Variants in LMF2 observed in about 807,000 individuals in gnomAD.
LMF2 encodes the protein transmembrane protein 112B.
LMF2 carries 113 observed loss-of-function variants against 81.5 expected under a neutral mutation model. That is an observed-to-expected ratio of 1.39 (90% confidence interval 1.19 to 1.62). LMF2 has a LOEUF of 1.62. Among genes scored for constraint, LMF2 ranks in the 40% most tolerant of loss-of-function variants. LMF2 has a pLI of 0.00. For missense variants in LMF2, 1,235 were observed against 929.1 expected, an observed-to-expected ratio of 1.33 and a Z score of -4.28; for synonymous variants, 645 against 424.5, an observed-to-expected ratio of 1.52 and a Z score of -6.39.
intron 13 of LMF2, 32 bp downstream of exon 13, chr22:50,503,776 C>T (rs2068470067): frequency 6.3e-7 from 1 of 1,596,856 alleles, no homozygotes; most frequent in Non-Finnish European, 8.5e-7. Flanking sequence ...TCACCCCTGC[C>T]ACCTCCCCCA....
chr22:50,506,336 A>G lies in LMF2; in HGVS notation c.544T>C (p.Ser182Pro), dbSNP rs980848082. ...CGGCTGGTCAGCTTGACCACGCCTG[A>G]GGCGAACATGAGGCGGAACAGCAGC... The part of the protein sequence containing the change: ...RWLLFRLMFA[S>P]GVVKLTSRCP... The change falls in exon 4 of 14, where the codon TCA (serine) becomes CCA (proline). Residue 182 changes from serine to proline, a missense_variant. Ser to Pro is a moderately conservative substitution (Grantham distance 74). Coordinates refer to ENST00000474879, the MANE Select transcript of LMF2 (RefSeq NM_033200.3). The G allele has an allele frequency of 6.5e-7, 1 of 1,549,562 alleles. No individual in the cohort carries two copies. Among genetic ancestry groups the G allele is most frequent in the African/African-American group, 1.4e-5 (1 of 73,038 alleles).
In LMF2 at chr22:50,507,624, C is replaced by T; in HGVS notation, c.52G>A (p.Val18Ile). 2 of 1,558,602 alleles carry T rather than the reference C, an allele frequency of 1.3e-6. No homozygotes were observed. The highest frequency in any genetic ancestry group is 1.2e-5 in the South Asian group (1 of 84,728). The change falls in exon 1 of 14, where the codon GTC becomes ATC. Residue 18 changes from valine to isoleucine, a missense_variant. Val to Ile is a conservative substitution (Grantham distance 29, BLOSUM62 3). Transcript: ENST00000474879. ...RQLFLQGVAAVFMFAFASLYT... is the reference protein window; with the variant it reads ...RQLFLQGVAAIFMFAFASLYT... ...AGGGAAGCGAAAGCAAACATGAAGA[C>T]GGCCGCCACGCCCTGGAGGAAGAGC...
At position 50,507,684 on chromosome 22, in the gene LMF2, C is replaced by G. The variant is rs1003931996; in HGVS notation, c.-9G>C. 10 of 1,547,788 alleles carry G rather than the reference C, an allele frequency of 6.5e-6. No individual in the cohort carries two copies. The highest frequency in any genetic ancestry group is 7.9e-6 in the Non-Finnish European group (9 of 1,145,920). On this transcript the variant is annotated 5_prime_UTR_variant, in exon 1 of 14. Transcript: ENST00000474879. ...AGCCGGGAGCCCGCCATGTCCGCTA[C>G]GCGGCCCGCTAGAGCAGGGCCCGCC... is the stretch of plus-strand genomic sequence containing the variant.
rs202145877 is a variant in LMF2, at chr22:50,505,829, G to A, written c.775-14C>T. 1.3e-4 allele frequency: 213 copies of A among 1,612,010 alleles called. No individual in the cohort carries two copies. Among genetic ancestry groups the A allele is most frequent in the Non-Finnish European group, 1.6e-4 (192 of 1,179,540 alleles). ...CTGCAGCAGCACCTGGGGGCGGCCC[G>A]CTCTCAGTGCTCCCGGAGACTGACG... is the stretch of plus-strand genomic sequence containing the variant. On this transcript the variant is annotated splice_polypyrimidine_tract_variant and intron_variant, in intron 5 of 13. Coordinates refer to ENST00000474879, the MANE Select transcript of LMF2 (RefSeq NM_033200.3).
Position 50,505,368 on chromosome 22 carries a change from C to T in LMF2, c.1052-34G>A, listed in dbSNP as rs761385892. 29 of 1,613,218 alleles carry T rather than the reference C, an allele frequency of 1.8e-5. No homozygotes were observed. In the South Asian group the frequency reaches 2.6e-4, roughly 15 times the overall value. ...GGAGGGGGGTGTGAGGACTGGTCCGCCCCTGCCCTCTGGCCCCCCCAGGTC... is the reference window on the plus strand; with the variant it reads ...GGAGGGGGGTGTGAGGACTGGTCCGTCCCTGCCCTCTGGCCCCCCCAGGTC... On this transcript the variant is annotated intron_variant, in intron 7 of 13. Transcript: ENST00000474879.
chr22:50,503,981 C>A (rs1449326730), intron 12 of LMF2, 77 bp from the exon 13 acceptor site: 156 of 1,336,334 alleles, frequency 1.2e-4, no homozygotes, highest in Middle Eastern at 2.0e-4. Context: ...AGCCTTACCC[C>A]TGCTCCTCAG....
At position 50,505,161 on chromosome 22, in the gene LMF2, C is replaced by A. The variant is rs1258479566; in HGVS notation, c.1158-8G>T. 1.2e-6 allele frequency: 2 copies of A among 1,612,882 alleles called. No individual in the cohort carries two copies. The highest frequency in any genetic ancestry group is 1.7e-5 in the Admixed American group (1 of 60,024). ...CCCCGCACCTGGGTCCACCTGTGGGCAAGGACCCAAGGTCGTCAGGCCGGC... is the reference window on the plus strand; with the variant it reads ...CCCCGCACCTGGGTCCACCTGTGGGAAAGGACCCAAGGTCGTCAGGCCGGC... On this transcript the variant is annotated splice_region_variant and splice_polypyrimidine_tract_variant and intron_variant, in intron 8 of 13. Coordinates refer to ENST00000474879, the MANE Select transcript of LMF2 (RefSeq NM_033200.3).
rs1255401098 is a variant in LMF2 at position 50,504,793 on chromosome 22, A to G, written c.1437+9T>C. 1.2e-6 allele frequency: 2 copies of G among 1,604,464 alleles called. No individual in the cohort carries two copies. Among genetic ancestry groups the G allele is most frequent in the Non-Finnish European group, 8.5e-7 (1 of 1,174,714 alleles). ...GCCCCACCACCCTGCCCGCCCTGGG[A>G]GGGCTCACCGTCCAGTGGTGGCCGT... On this transcript the variant is annotated intron_variant, in intron 10 of 13. Coordinates refer to ENST00000474879, the MANE Select transcript of LMF2 (RefSeq NM_033200.3).
chr22:50,507,024 G>T lies in LMF2; in HGVS notation c.106C>A (p.Pro36Thr). 6.3e-7 allele frequency: 1 copy of T among 1,592,862 alleles called. No homozygotes were observed. Among genetic ancestry groups the T allele is most frequent in the South Asian group, 1.1e-5 (1 of 90,368 alleles). ...LYTQIPGLYG[P>T]EGILPARRTL... ...CTCCTTGCAGGTAGGATGCCCTCGGGGCCATACAGGCCTGTGGGAGGGCAT... is the reference window on the plus strand; with the variant it reads ...CTCCTTGCAGGTAGGATGCCCTCGGTGCCATACAGGCCTGTGGGAGGGCAT... The change falls in exon 2 of 14, where the codon CCC (proline) becomes ACC (threonine). Residue 36 changes from proline to threonine, a missense_variant. By Grantham distance (38) the Pro-to-Thr change is conservative. Transcript: ENST00000474879.
chr22:50,507,702 G>T lies in LMF2; in HGVS notation c.-27C>A, dbSNP rs779910173. 3.3e-6 allele frequency: 5 copies of T among 1,515,396 alleles called. No homozygotes were observed. In the Admixed American group the frequency reaches 1.1e-4, roughly 32 times the overall value. 93.9% of individuals were successfully genotyped at this position (1,515,396 alleles called of 1,614,324 possible). A position where few individuals can be genotyped will look rare whatever the true frequency, so the allele number is the denominator to read the frequency against. On this transcript the variant is annotated 5_prime_UTR_variant, in exon 1 of 14. Coordinates refer to ENST00000474879, the MANE Select transcript of LMF2 (RefSeq NM_033200.3). The stretch of plus-strand genomic sequence containing the variant: ...TCCGCTACGCGGCCCGCTAGAGCAG[G>T]GCCCGCCCTCCGCGTCCGCCCGCCC...
intron 5 of LMF2, 50 bp from the exon 6 acceptor site, chr22:50,505,865 T>C (rs767572974): frequency 1.9e-6 from 3 of 1,605,400 alleles, no homozygotes; most frequent in African/African-American, 1.3e-5. Context: ...CCTGGCCCCG[T>C]GGCAGGCACC....
At position 50,503,059 on chromosome 22, in the gene LMF2, C is replaced by T; in HGVS notation, c.*332G>A. On this transcript the variant is annotated 3_prime_UTR_variant, in exon 14 of 14. Transcript: ENST00000474879. The stretch of plus-strand genomic sequence containing the variant: ...CTTCCCCTCTTCCCCTGGGAGTCAG[C>T]CTCTTCCCCTCTGGCACGGGGCCTA... 3.2e-6 allele frequency: 1 copy of T among 311,298 alleles called. No individual in the cohort carries two copies. Among genetic ancestry groups the T allele is most frequent in the Non-Finnish European group, 5.9e-6 (1 of 168,750 alleles). The allele number at this position is 311,298 out of a possible 1,614,324, so 19.3% of individuals were successfully genotyped here. A position where few individuals can be genotyped will look rare whatever the true frequency, so the allele number is the denominator to read the frequency against.
In LMF2 at chr22:50,503,547, T is replaced by TA. The variant is rs753597084; in HGVS notation, c.1967dup (p.Ala657SerfsTer43). On this transcript the variant is annotated frameshift_variant, in exon 14 of 14. Coordinates refer to ENST00000474879, the MANE Select transcript of LMF2 (RefSeq NM_033200.3). LOFTEE classifies it low-confidence loss of function (END_TRUNC). ...GGGAGGACCGGAGAGAACAGGGTGC[T>TA]AGCAGGGCTTGCACAAATCTGACAG... 35 of 1,557,642 alleles carry TA rather than the reference T, an allele frequency of 2.2e-5. No homozygotes were observed. Among genetic ancestry groups the TA allele is most frequent in the East Asian group, 4.5e-5 (2 of 44,066 alleles).
In LMF2 at chr22:50,506,864, G is replaced by A. The variant is rs1603439655; in HGVS notation, c.266C>T (p.Ala89Val). 2 of 1,591,524 alleles carry A rather than the reference G, an allele frequency of 1.3e-6. No homozygotes were observed. The highest frequency in any genetic ancestry group is 1.7e-6 in the Non-Finnish European group (2 of 1,169,366). Reference sequence around the variant, plus strand: ...TGGGCTCAGCAGCAGGGCTCCCAGGGCCACTAGTGCACCCAGCAGGCTCAG... The same window carrying A: ...TGGGCTCAGCAGCAGGGCTCCCAGGACCACTAGTGCACCCAGCAGGCTCAG... ...ELLSLLGALV[A>V]LGALLLSPLR... The change falls in exon 2 of 14, where the codon GCC (alanine) becomes GTC (valine). Residue 89 changes from alanine to valine, a missense_variant. Ala to Val is a moderately conservative substitution (Grantham distance 64, BLOSUM62 0). Coordinates refer to ENST00000474879, the MANE Select transcript of LMF2 (RefSeq NM_033200.3).
At position 50,506,067 on chromosome 22, in the gene LMF2, G is replaced by C. The variant is rs749734834; in HGVS notation, c.742C>G (p.Arg248Gly). The change falls in exon 5 of 14, where the codon CGA becomes GGA. Residue 248 changes from arginine to glycine, a missense_variant. Arg to Gly is a moderately radical substitution (Grantham distance 125, BLOSUM62 -2). Coordinates refer to ENST00000474879, the MANE Select transcript of LMF2 (RefSeq NM_033200.3). ...TAGAAAGCAGCCAAGCGCAGGCGTC[G>C]AATGGGGGCGAAGAACAGGGGCGGC... ...AVPPLFFAPI[R>G]RLRLAAFYSQ... The C allele has an allele frequency of 1.1e-5, 18 of 1,591,166 alleles. No individual in the cohort carries two copies. The highest frequency in any genetic ancestry group is 1.4e-5 in the Non-Finnish European group (16 of 1,169,268).
rs764818655 is a variant in LMF2 at position 50,503,647 on chromosome 22, A to AGGGCCT, written c.1862_1867dup (p.Gln621_Ala622dup). The AGGGCCT allele has an allele frequency of 2.1e-5, 28 of 1,327,508 alleles. No individual in the cohort carries two copies. The highest frequency in any genetic ancestry group is 2.2e-4 in the Middle Eastern group (1 of 4,496). The allele number at this position is 1,327,508 out of a possible 1,614,324, so 82.2% of individuals were successfully genotyped here. A position where few individuals can be genotyped will look rare whatever the true frequency, so the allele number is the denominator to read the frequency against. On this transcript the variant is annotated inframe_insertion, in exon 14 of 14. Coordinates refer to ENST00000474879, the MANE Select transcript of LMF2 (RefSeq NM_033200.3). Reference sequence around the variant, plus strand: ...AGACAGCTGAGAGCGAGTCCAGTGGAGGGCCTGGGCCAGGGTGCTGTTGGC... The same window carrying AGGGCCT: ...AGACAGCTGAGAGCGAGTCCAGTGGAGGGCCTGGGCCTGGGCCAGGGTGCTGTTGGC...
At chr22:50,506,004 CCTCT>C (rs750945438) in intron 5 of LMF2, 27 bp downstream of exon 5, 67 of 1,568,788 alleles carry the variant, frequency 4.3e-5, no homozygotes, top group African/African-American at 2.0e-4. Flanking sequence ...GCCCTGTCTG[CCTCT>C]CTCTGACAGC....
chr22:50,504,754 G>A, intron 10 of LMF2, 27 bp from the exon 11 acceptor site: 10 of 1,607,464 alleles, frequency 6.2e-6, no homozygotes, highest in Non-Finnish European at 8.5e-6. Flanking sequence ...GGTCAGCTGG[G>A]CCCGCTGACC....
chr22:50,503,715 AG>A lies in LMF2; in HGVS notation c.1816-17del. On this transcript the variant is annotated splice_polypyrimidine_tract_variant and intron_variant, in intron 13 of 13. Transcript: ENST00000474879. ...GGCTTTTCTCCTGTGGGAGGGAGGG[AG>A]GGAGGGAGGTTGGGGAAGTGCTTAC... The A allele has an allele frequency of 1.7e-6, 1 of 579,916 alleles. No individual in the cohort carries two copies. The highest frequency in any genetic ancestry group is 3.0e-6 in the Non-Finnish European group (1 of 329,510). The allele number at this position is 579,916 out of a possible 1,614,324, so 35.9% of individuals were successfully genotyped here.
Sources: gnomAD v4.1 joint callset for allele counts on GRCh38, gnomAD v4.1.1 for gene constraint, MANE v1.5 for transcripts, NCBI Gene and HGNC (gene_info 2026-07-23, HGNC 2026-07-21) for gene names.